LRP6: variants seen among roughly 807,000 people sequenced by gnomAD.
LRP6 encodes LDL receptor related protein 6, also known as low-density lipoprotein receptor-related protein 6.
In LRP6, 43 loss-of-function variants were observed where a neutral mutation model predicts 184.1. The observed-to-expected ratio is 0.23, with a 90% CI of 0.18 to 0.30. The LOEUF is 0.30. Ranked by LOEUF, LRP6 falls within the 10% of genes least tolerant of loss-of-function variation. The pLI, the probability that LRP6 is intolerant of heterozygous loss-of-function variation, is 1.00. For missense variants in LRP6, 1,571 were observed against 2,005.3 expected (o/e 0.78, Z 4.14); for synonymous variants, 719 against 684.9 (o/e 1.05, Z -0.78).
At chr12:12,212,300 C>T (rs897272415) in intron 2 of LRP6, among the ~76,000 whole-genome samples, 2 of 152,124 alleles carry the variant, frequency 1.3e-5, no homozygotes, top group Non-Finnish European at 2.9e-5. Context: ...TTACCAAGGC[C>T]GTATCCTTGA....
chr12:12,196,203 A>AT (rs138570486), intron 3 of LRP6, among the ~76,000 whole-genome samples: 28,949 of 141,944 alleles, frequency 0.2, 2,875 homozygotes, highest in African/African-American at 0.25. Flanking sequence ...AAATTTTAGG[A>AT]TTTTTTTTTT....
At chr12:12,238,015 A>G (rs185059613) in intron 2 of LRP6, among the ~76,000 whole-genome samples, 3 of 152,264 alleles carry the variant, frequency 2.0e-5, no homozygotes, top group African/African-American at 7.2e-5. Flanking sequence ...GCTATGTACA[A>G]TTTTTGCAAC....
rs149924882 is a variant in LRP6 at position 12,255,607 on chromosome 12, G to A, written c.56-10952C>T. On this transcript the variant is annotated intron_variant, in intron 1 of 22. Transcript: ENST00000261349. ...TTTTTTTGAGACAGAGTCTCACTCT[G>A]CCATCCAGGCTGGAGTGCAGTGGTG... 8.6e-3 allele frequency among the ~76,000 whole-genome samples: 1,086 copies of A among 125,552 alleles called. 15 individuals are homozygous for A. Among genetic ancestry groups the A allele is most frequent in the African/African-American group, 0.033 (1,030 of 31,692 alleles). The allele number at this position is 125,552 out of a possible 152,430, so 82.4% of individuals were successfully genotyped here.
chr12:12,213,123 C>A (rs867654614), intron 2 of LRP6, among the ~76,000 whole-genome samples: 1 of 152,180 alleles, frequency 6.6e-6, no homozygotes, highest in Middle Eastern at 3.4e-3. Context: ...TTAACTCATA[C>A]CTGATACTTT....
intron 11 of LRP6, 74 bp downstream of exon 11, chr12:12,159,706 C>T: frequency 7.2e-7 from 1 of 1,390,124 alleles, no homozygotes; most frequent in Non-Finnish European, 1.0e-6. Context: ...AAGTATCTAA[C>T]CAATGATAAA....
At chr12:12,164,955 A>AAAAAAAAAAAAAAAAAAAAT in intron 8 of LRP6, 124 bp downstream of exon 8, 2 of 528,570 alleles carry the variant, frequency 3.8e-6, no homozygotes. Flanking sequence ...AAAAAAAAAA[A>AAAAAAAAAAAAAAAAAAAAT]GGCGGGGGGG....
intron 12 of LRP6, among the ~76,000 whole-genome samples, chr12:12,157,017 C>T (rs751593856): frequency 2.0e-5 from 3 of 152,154 alleles, no homozygotes; most frequent in African/African-American, 7.2e-5. Context: ...ACTGCCATGG[C>T]GAGAGCTGGG....
intron 19 of LRP6, among the ~76,000 whole-genome samples, chr12:12,129,989 T>A (rs1949725829): frequency 6.6e-6 from 1 of 152,162 alleles, no homozygotes; most frequent in Non-Finnish European, 1.5e-5. Context: ...CCATAATCAA[T>A]GTATCTACTA....
intron 12 of LRP6, 64 bp from the exon 13 acceptor site, chr12:12,151,102 T>G (rs1565566482): frequency 1.5e-6 from 2 of 1,312,432 alleles, no homozygotes; most frequent in East Asian, 4.8e-5. Flanking sequence ...CATCCAATGA[T>G]TTGATCAGCC....
chr12:12,242,980 TC>T, intron 2 of LRP6, among the ~76,000 whole-genome samples: 1 of 152,336 alleles, frequency 6.6e-6, no homozygotes, highest in South Asian at 2.1e-4. Context: ...AAGAATTCAC[TC>T]CTTTCTATAA....
intron 2 of LRP6, chr12:12,226,654 G>A (rs751873213): frequency 3.3e-5 from 5 of 152,108 alleles, no homozygotes; most frequent in Non-Finnish European, 7.4e-5. Context: ...GAAAAAAAGG[G>A]AACAGAATAT....
intron 2 of LRP6, among the ~76,000 whole-genome samples, chr12:12,235,519 T>C (rs1043355323): frequency 6.6e-6 from 1 of 151,228 alleles, no homozygotes; most frequent in Non-Finnish European, 1.5e-5. Flanking sequence ...TCACCTGAGG[T>C]TGGGAGTTCG....
chr12:12,252,152 T>A (rs2135931861), intron 1 of LRP6, among the ~76,000 whole-genome samples: 1 of 152,302 alleles, frequency 6.6e-6, no homozygotes, highest in African/African-American at 2.4e-5. Flanking sequence ...CCCAAAGCAC[T>A]GAGATTACAG....
In LRP6 at chr12:12,155,076, A is replaced by AT. The variant is rs1243186911; in HGVS notation, c.2791+3752_2791+3753insA. On this transcript the variant is annotated intron_variant, in intron 12 of 22. Coordinates refer to ENST00000261349, the MANE Select transcript of LRP6 (RefSeq NM_002336.3). ...CCAGGCACCGTGATGCACGCCTGTA[A>AT]ACTCAGCTACTCAGGAGGCTAAGAC... Among the ~76,000 whole-genome samples the AT allele has an allele frequency of 6.1e-3, 924 of 152,234 alleles. 8 individuals carry two copies. The highest frequency in any genetic ancestry group is 0.021 in the African/African-American group (882 of 41,538).
intron 2 of LRP6, among the ~76,000 whole-genome samples, chr12:12,233,544 T>G (rs982341214): frequency 2.6e-5 from 4 of 152,102 alleles, no homozygotes; most frequent in Non-Finnish European, 5.9e-5. Flanking sequence ...GTCTTTTCAA[T>G]TAAGTCAACA....
chr12:12,150,121 A>C (rs2136917453), intron 13 of LRP6, among the ~76,000 whole-genome samples: 1 of 151,678 alleles, frequency 6.6e-6, no homozygotes, highest in Non-Finnish European at 1.5e-5. Flanking sequence ...GACAACAAGT[A>C]ATTATTTATA....
intron 1 of LRP6, among the ~76,000 whole-genome samples, chr12:12,251,862 C>G (rs539964037): frequency 6.6e-6 from 1 of 152,212 alleles, no homozygotes; most frequent in South Asian, 2.1e-4. Flanking sequence ...ACCTCCCATG[C>G]TTACTTTTTT....
At chr12:12,227,465 C>T (rs7313285) in intron 2 of LRP6, among the ~76,000 whole-genome samples, 121,759 of 150,850 alleles carry the variant, frequency 0.81, 49,230 homozygotes, top group East Asian at 0.83. Flanking sequence ...TGGGGTGCAA[C>T]AGCGCAATCT....
At chr12:12,222,574 AAAAAGAAAG>A (rs1864519524) in intron 2 of LRP6, among the ~76,000 whole-genome samples, 3 of 124,302 alleles carry the variant, frequency 2.4e-5, no homozygotes, top group South Asian at 2.9e-4. Context: ...CTCAAAAAAA[AAAAAGAAAG>A]AAAGAAAGAA....
Sources: gnomAD v4.1 joint callset for allele counts (sites outside exome capture counted in the v4.1 genomes callset) on GRCh38, gnomAD v4.1.1 for gene constraint, MANE v1.5 for transcripts, NCBI Gene and HGNC (gene_info 2026-07-23, HGNC 2026-07-21) for gene names.